PFKFB4: variants seen among roughly 807,000 people sequenced by gnomAD.
PFKFB4 encodes the protein 6-phosphofructo-2-kinase/fructose-2,6-bisphosphatase 4.
Under a neutral mutation model 62.8 loss-of-function variants are expected in PFKFB4, and 42 were observed. The observed-to-expected ratio is 0.67, with a 90% CI of 0.52 to 0.86. The LOEUF is 0.86. PFKFB4 is among the 40% of genes least tolerant of loss of function. The pLI, the probability that PFKFB4 is intolerant of heterozygous loss-of-function variation, is 0.00. For synonymous variants in PFKFB4, 204 were observed against 240.7 expected (o/e 0.85, Z 1.41); for missense variants, 475 against 627.2 (o/e 0.76, Z 2.59).
At chr3:48,537,665 C>T (rs1045348372) in intron 7 of PFKFB4, among the ~76,000 whole-genome samples, 6 of 151,852 alleles carry the variant, frequency 4.0e-5, no homozygotes, top group Non-Finnish European at 5.9e-5. Context: ...GCTGGGACTA[C>T]AGCCATGCGC....
chr3:48,546,293 A>T (rs1242382498), intron 3 of PFKFB4, among the ~76,000 whole-genome samples: 3 of 151,980 alleles, frequency 2.0e-5, no homozygotes, highest in Non-Finnish European at 2.9e-5. Context: ...GCATGCACCC[A>T]TGTGTATAAG....
chr3:48,551,826 T>A (rs2043166552), intron 1 of PFKFB4, among the ~76,000 whole-genome samples: 1 of 152,174 alleles, frequency 6.6e-6, no homozygotes, highest in African/African-American at 2.4e-5. Flanking sequence ...ATTACAGGCG[T>A]GAGCCCAGCC....
intron 3 of PFKFB4, among the ~76,000 whole-genome samples, chr3:48,545,889 C>G (rs1451714120): frequency 1.3e-5 from 2 of 152,152 alleles, no homozygotes; most frequent in Non-Finnish European, 2.9e-5. Context: ...GGACATTTCT[C>G]CTTAGAGCCC....
chr3:48,522,202 G>C lies in PFKFB4; in HGVS notation c.1286-152C>G, dbSNP rs2042118389. The C allele has an allele frequency of 7.1e-6, 5 of 699,760 alleles. No homozygotes were observed. The East Asian group carries it at 1.3e-4, about 19-fold the overall frequency. 43.3% of individuals were successfully genotyped at this position (699,760 alleles called of 1,614,324 possible). A position where few individuals can be genotyped will look rare whatever the true frequency, so the allele number is the denominator to read the frequency against. On this transcript the variant is annotated intron_variant, in intron 12 of 13. Coordinates refer to ENST00000232375, the MANE Select transcript of PFKFB4 (RefSeq NM_004567.4). ...TTCTTCCACTTTAGGCAGCTCTGGG[G>C]AGCCCCGGGAGGAAGGATGAGACAC...
chr3:48,543,639 C>T lies in PFKFB4; in HGVS notation c.319G>A (p.Ala107Thr), dbSNP rs2042868056. 1 of 1,611,192 alleles carries T rather than the reference C, an allele frequency of 6.2e-7. No individual in the cohort carries two copies. Among genetic ancestry groups the T allele is most frequent in the Admixed American group, 1.7e-5 (1 of 59,588 alleles). The change falls in exon 4 of 14, where the codon GCC (alanine) becomes ACC (threonine). Residue 107 changes from alanine (A) to threonine (T), a missense_variant. Transcript: ENST00000232375. ...EEGLKIRKQC[A>T]LAALRDVRRF... ...CGGACGTCACGGAGGGCTGCCAGGG[C>T]ACACTGCCTTCAGGAGAGAAAACAC...
intron 8 of PFKFB4, 124 bp downstream of exon 8, chr3:48,536,132 A>C: frequency 1.3e-6 from 1 of 783,134 alleles, no homozygotes. Flanking sequence ...AATGAAGGTC[A>C]TTCACCTCGA....
At position 48,519,746 on chromosome 3, in the gene PFKFB4, G is replaced by A. The variant is rs979740191; in HGVS notation, c.*1C>T. ...CTAGTGGTCACAGTGGATGAACATGGTCACTGGTGAGCAGGCACCGTGACA... is the reference window on the plus strand; with the variant it reads ...CTAGTGGTCACAGTGGATGAACATGATCACTGGTGAGCAGGCACCGTGACA... On this transcript the variant is annotated 3_prime_UTR_variant, in exon 14 of 14. Transcript: ENST00000232375. The A allele has an allele frequency of 2.0e-5, 32 of 1,611,788 alleles. No homozygotes were observed. The highest frequency in any genetic ancestry group is 6.7e-5 in the African/African-American group (5 of 74,862).
chr3:48,521,901 G>GCTGGGC lies in PFKFB4; in HGVS notation c.1350+79_1350+84dup. On this transcript the variant is annotated intron_variant, in intron 13 of 13. Coordinates refer to ENST00000232375, the MANE Select transcript of PFKFB4 (RefSeq NM_004567.4). The surrounding 1 kb of genome is among the most constrained non-coding windows in gnomAD (Gnocchi z 5.3). The stretch of plus-strand genomic sequence containing the variant: ...CAAGCTCCCTCTGGCAGGTGCCGCA[G>GCTGGGC]CTGGGCCTGGCCCTGGAGGATGTGC... 1 of 1,147,208 alleles carries GCTGGGC rather than the reference G, an allele frequency of 8.7e-7. No homozygotes were observed. The highest frequency in any genetic ancestry group is 1.2e-5 in the South Asian group (1 of 81,524). The allele number at this position is 1,147,208 out of a possible 1,614,324, so 71.1% of individuals were successfully genotyped here.
chr3:48,521,976 C>T lies in PFKFB4; in HGVS notation c.1350+10G>A. Reference sequence around the variant, plus strand: ...ACACCCCGCTACCCCAGCAGTGACCCCATTGCTACCTGAGGCCTGTCCCGG... The same window carrying T: ...ACACCCCGCTACCCCAGCAGTGACCTCATTGCTACCTGAGGCCTGTCCCGG... On this transcript the variant is annotated intron_variant, in intron 13 of 13. Coordinates refer to ENST00000232375, the MANE Select transcript of PFKFB4 (RefSeq NM_004567.4). This position sits in a 1 kb window ranked among gnomAD's most constrained non-coding sequence, Gnocchi z 5.3. 6.2e-7 allele frequency: 1 copy of T among 1,610,864 alleles called. No homozygotes were observed. Among genetic ancestry groups the T allele is most frequent in the Non-Finnish European group, 8.5e-7 (1 of 1,177,026 alleles).
rs376346121 is a variant in PFKFB4, at chr3:48,556,642, G to A, written c.97+39C>T. On this transcript the variant is annotated intron_variant, in intron 1 of 13. Coordinates refer to ENST00000232375, the MANE Select transcript of PFKFB4 (RefSeq NM_004567.4). This position sits in a 1 kb window ranked among gnomAD's most constrained non-coding sequence, Gnocchi z 5.7. ...CCAGGCCGCCCTACCCACCCATCCC[G>A]GTGCACCTCCCACCTCCTCCCAGAG... 6.1e-6 allele frequency: 4 copies of A among 653,252 alleles called. No homozygotes were observed. Among genetic ancestry groups the A allele is most frequent in the South Asian group, 3.2e-5 (2 of 61,880 alleles). 40.5% of individuals were successfully genotyped at this position (653,252 alleles called of 1,614,324 possible).
At chr3:48,555,559 T>C (rs1225503451) in intron 1 of PFKFB4, among the ~76,000 whole-genome samples, 1 of 152,182 alleles carries the variant, frequency 6.6e-6, no homozygotes, top group Non-Finnish European at 1.5e-5. Context: ...TGCAAATTCA[T>C]TACAATGTTT....
chr3:48,542,670 G>C lies in PFKFB4; in HGVS notation c.378+910C>G, dbSNP rs929433877. On this transcript the variant is annotated intron_variant, in intron 4 of 13. Coordinates refer to ENST00000232375, the MANE Select transcript of PFKFB4 (RefSeq NM_004567.4). ...ATGAGAAACTCTCAGCTCCCTCTAA[G>C]AGATGAAGCTTTTAGGAAGATCAGC... Among the ~76,000 whole-genome samples, 5 of 152,014 alleles carry C rather than the reference G, an allele frequency of 3.3e-5. No homozygotes were observed. The South Asian group carries it at 6.2e-4, about 19-fold the overall frequency.
At chr3:48,524,718 C>A (rs984203007) in intron 10 of PFKFB4, among the ~76,000 whole-genome samples, 5 of 152,176 alleles carry the variant, frequency 3.3e-5, no homozygotes, top group African/African-American at 7.2e-5. Context: ...GTGTAGAGAC[C>A]TGTCAGCCTG....
intron 4 of PFKFB4, among the ~76,000 whole-genome samples, chr3:48,540,438 G>C (rs921719185): frequency 6.6e-6 from 1 of 152,280 alleles, no homozygotes; most frequent in Non-Finnish European, 1.5e-5. Flanking sequence ...TGATAAAGAA[G>C]AGCTGGAGGC....
chr3:48,533,034 T>C (rs559236652), intron 9 of PFKFB4, among the ~76,000 whole-genome samples: 4 of 152,184 alleles, frequency 2.6e-5, no homozygotes, highest in Non-Finnish European at 5.9e-5. Flanking sequence ...AGAGTTATTG[T>C]TTTTCTTTTT....
At chr3:48,540,751 A>G (rs1488439788) in intron 4 of PFKFB4, among the ~76,000 whole-genome samples, 1 of 151,066 alleles carries the variant, frequency 6.6e-6, no homozygotes, top group African/African-American at 2.4e-5. Flanking sequence ...CTGGGATTAC[A>G]GGCATGTACC....
chr3:48,547,267 C>T (rs925020236), intron 3 of PFKFB4, among the ~76,000 whole-genome samples: 1 of 152,100 alleles, frequency 6.6e-6, no homozygotes, highest in African/African-American at 2.4e-5. Context: ...TACATATACC[C>T]TTATGTATAA....
intron 12 of PFKFB4, among the ~76,000 whole-genome samples, chr3:48,523,277 G>A (rs745649804): frequency 2.2e-4 from 33 of 152,176 alleles, no homozygotes; most frequent in African/African-American, 6.0e-4. Context: ...CTAGCTACTC[G>A]GGAGGCAGAG....
Position 48,519,469 on chromosome 3 carries a change from C to T in PFKFB4, c.*278G>A, listed in dbSNP as rs1030657432. 6.2e-5 allele frequency: 28 copies of T among 454,954 alleles called. No homozygotes were observed. The highest frequency in any genetic ancestry group is 7.1e-5 in the South Asian group (2 of 28,062). The allele number at this position is 454,954 out of a possible 1,614,324, so 28.2% of individuals were successfully genotyped here. ...GAGAGTGAACACCTAAGAGCTGCGC[C>T]GGAAGAAACTGGGGCTGGGCAACCT... On this transcript the variant is annotated 3_prime_UTR_variant, in exon 14 of 14. Transcript: ENST00000232375.
Sources: allele counts gnomAD v4.1 joint callset (sites outside exome capture counted in the v4.1 genomes callset), GRCh38; gene constraint gnomAD v4.1.1; non-coding constraint Gnocchi (gnomAD v3.1); transcripts MANE v1.5; gene names NCBI Gene and HGNC (gene_info 2026-07-23, HGNC 2026-07-21).